FSIP2: variants seen among roughly 807,000 people sequenced by gnomAD.
FSIP2 encodes fibrous sheath-interacting protein 2.
In FSIP2, 367 loss-of-function variants were observed where a neutral mutation model predicts 510.5. That is an observed-to-expected ratio of 0.72 (90% CI 0.66 to 0.78). FSIP2 has a LOEUF of 0.78. FSIP2 is among the 30% of genes least tolerant of loss of function. FSIP2 has a pLI of 0.00. For synonymous variants in FSIP2, 2,601 were observed against 2,732.2 expected (o/e 0.95, Z 1.50); for missense variants, 7,594 against 7,901.7 (o/e 0.96, Z 1.48).
At chr2:185,752,191 C>A (rs1692162362) in intron 7 of FSIP2, among the ~76,000 whole-genome samples, 1 of 150,758 alleles carries the variant, frequency 6.6e-6, no homozygotes, top group African/African-American at 2.4e-5. Context: ...TGGTTAACAT[C>A]AACTGGGTGT....
In FSIP2 at chr2:185,795,352, C is replaced by T. The variant is rs1386810455; in HGVS notation, c.8216C>T (p.Ala2739Val). 8.5e-6 allele frequency: 13 copies of T among 1,534,280 alleles called. No individual in the cohort carries two copies. In the African/African-American group the frequency reaches 1.5e-4, roughly 18 times the overall value. ...KLPTSELKIY[A>V]KDIIINILET... Reference sequence around the variant, plus strand: ...CCCACTTCAGAACTAAAAATATATGCCAAGGATATAATAATTAACATCCTA... The same window carrying T: ...CCCACTTCAGAACTAAAAATATATGTCAAGGATATAATAATTAACATCCTA... Residue 2739 changes from alanine (A) to valine (V), a missense_variant, in exon 16 of 23, where the codon GCC becomes GTC. By Grantham distance (64) the Ala-to-Val change is moderately conservative (BLOSUM62 0). Transcript: ENST00000424728.
Position 185,792,595 on chromosome 2 carries a change from A to G in FSIP2, c.5459A>G (p.Gln1820Arg). Reference sequence around the variant, plus strand: ...CACAATGTTGATGAGCCAACTCCCCAAACATCTGTTCAATTTATGGATAAA... The same window carrying G: ...CACAATGTTGATGAGCCAACTCCCCGAACATCTGTTCAATTTATGGATAAA... The part of the protein sequence containing the change: ...MPHNVDEPTP[Q>R]TSVQFMDKMM... Residue 1820 changes from glutamine to arginine, a missense_variant, in exon 16 of 23, where the codon CAA becomes CGA. Gln to Arg is a conservative substitution (Grantham distance 43). Coordinates refer to ENST00000424728, the MANE Select transcript of FSIP2 (RefSeq NM_173651.4). 2.6e-6 allele frequency: 4 copies of G among 1,534,130 alleles called. No individual in the cohort carries two copies. In the South Asian group the frequency reaches 4.8e-5, roughly 18 times the overall value.
At chr2:185,742,463 G>A (rs1382149217) in intron 2 of FSIP2, among the ~76,000 whole-genome samples, 1 of 152,110 alleles carries the variant, frequency 6.6e-6, no homozygotes, top group Non-Finnish European at 1.5e-5. Flanking sequence ...CACACAAATA[G>A]AAAAACTTCA....
At chr2:185,815,345 GTAA>G in intron 18 of FSIP2, 23 bp from the exon 19 acceptor site, 1 of 988,256 alleles carries the variant, frequency 1.0e-6, no homozygotes, top group South Asian at 1.4e-5. Context: ...TCCATTTAGT[GTAA>G]TAGCTGATTT....
At chr2:185,823,713 C>A (rs1167977510) in intron 19 of FSIP2, among the ~76,000 whole-genome samples, 2 of 151,660 alleles carry the variant, frequency 1.3e-5, no homozygotes, top group Non-Finnish European at 2.9e-5. Flanking sequence ...TAGACTTACC[C>A]TATGATCAAG....
At chr2:185,782,870 C>A in intron 14 of FSIP2, 108 bp downstream of exon 14, 1 of 683,262 alleles carries the variant, frequency 1.5e-6, no homozygotes, top group Non-Finnish European at 2.5e-6. Context: ...TATAGTTCTA[C>A]TTGGATTTAG....
rs959124713 is a variant in FSIP2, at chr2:185,792,074, A to T, written c.4938A>T (p.Val1646=). The change falls in exon 16 of 23, where the codon GTA becomes GTT. Residue 1646 remains valine (V), a synonymous_variant. Coordinates refer to ENST00000424728, the MANE Select transcript of FSIP2 (RefSeq NM_173651.4). ...CTTTATATATGCATGCAAAGAAGGT[A>T]TCAAGTGCTATTTTGAAGGTTATTC... ...LSALYMHAKK[V]SSAILKVIQT... 9.8e-6 allele frequency: 15 copies of T among 1,533,754 alleles called. No homozygotes were observed. Among genetic ancestry groups the T allele is most frequent in the Admixed American group, 2.0e-5 (1 of 50,842 alleles).
Position 185,808,804 on chromosome 2 carries a change from AT to A in FSIP2, c.19500del (p.Pro6501LeufsTer3). The A allele has an allele frequency of 6.2e-7, 1 of 1,612,884 alleles. No homozygotes were observed. Among genetic ancestry groups the A allele is most frequent in the South Asian group, 1.1e-5 (1 of 90,918 alleles). On this transcript the variant is annotated frameshift_variant, in exon 17 of 23. Transcript: ENST00000424728. LOFTEE classifies it high-confidence loss of function. ...GGCCCAAGAACATGCTTTTAATGTGATTCCTGAATTAGAGCAAGAAAAGTTA... is the reference window on the plus strand; with the variant it reads ...GGCCCAAGAACATGCTTTTAATGTGATCCTGAATTAGAGCAAGAAAAGTTA... ...QKAQEHAFNV[I>X]PELEQEKLDQ...
Position 185,809,053 on chromosome 2 carries a change from T to A in FSIP2, c.19747T>A (p.Ser6583Thr). 2 of 1,608,900 alleles carry A rather than the reference T, an allele frequency of 1.2e-6. No homozygotes were observed. Among genetic ancestry groups the A allele is most frequent in the Non-Finnish European group, 1.7e-6 (2 of 1,178,408 alleles). ...SISGRNYSLG[S>T]PDLEKRKTER... ...AAGTGGGAGAAATTACTCCTTAGGA[T>A]CACCTGATTTAGAAAAGAGAAAGAC... The change falls in exon 17 of 23, where the codon TCA becomes ACA. Residue 6583 changes from serine to threonine, a missense_variant. By Grantham distance (58) the Ser-to-Thr change is moderately conservative. Coordinates refer to ENST00000424728, the MANE Select transcript of FSIP2 (RefSeq NM_173651.4).
chr2:185,741,935 T>C (rs1324072202), intron 2 of FSIP2, among the ~76,000 whole-genome samples: 1 of 152,198 alleles, frequency 6.6e-6, no homozygotes, highest in African/African-American at 2.4e-5. Context: ...CAACTGTGGT[T>C]ACGGCCAGAC....
upstream of FSIP2, among the ~76,000 whole-genome samples, chr2:185,737,144 G>C (rs1275996440): frequency 2.0e-5 from 3 of 152,210 alleles, no homozygotes; most frequent in East Asian, 5.8e-4. Flanking sequence ...AGAGCTTCCA[G>C]AAAGAACACA....
At chr2:185,799,243 T>C (rs1693366947) in intron 16 of FSIP2, among the ~76,000 whole-genome samples, 1 of 151,866 alleles carries the variant, frequency 6.6e-6, no homozygotes, top group Admixed American at 6.6e-5. Flanking sequence ...TTTAGTCAAC[T>C]TGATATTGCA....
chr2:185,788,112 C>A (rs1397957958), intron 15 of FSIP2: 3 of 151,830 alleles, frequency 2.0e-5, no homozygotes, highest in Non-Finnish European at 4.4e-5. Context: ...ACAGGCTCAC[C>A]CTTTCAGCAG....
Position 185,800,734 on chromosome 2 carries a change from G to A in FSIP2, c.11428G>A (p.Asp3810Asn). ...ATCTGATTATCGTAAGGGAGGAATG[G>A]ACTGTGAATGCCTTCAAGTAGATTA... ...GKSDYRKGGM[D>N]CECLQVDYMS... The change falls in exon 17 of 23, where the codon GAC becomes AAC. Residue 3810 changes from aspartate to asparagine, a missense_variant. By Grantham distance (23) the Asp-to-Asn change is conservative. Coordinates refer to ENST00000424728, the MANE Select transcript of FSIP2 (RefSeq NM_173651.4). 6 of 1,533,678 alleles carry A rather than the reference G, an allele frequency of 3.9e-6. No individual in the cohort carries two copies. Among genetic ancestry groups the A allele is most frequent in the Non-Finnish European group, 5.2e-6 (6 of 1,145,380 alleles).
chr2:185,744,789 T>A (rs1368495021), intron 4 of FSIP2: 2 of 152,958 alleles, frequency 1.3e-5, no homozygotes, highest in East Asian at 3.9e-4. Flanking sequence ...TTATCTGTAG[T>A]GTTCTACAGT....
At position 185,800,131 on chromosome 2, in the gene FSIP2, G is replaced by C. The variant is rs1410029975; in HGVS notation, c.10825G>C (p.Val3609Leu). The change falls in exon 17 of 23, where the codon GTA becomes CTA. Residue 3609 changes from valine (V) to leucine (L), a missense_variant. Transcript: ENST00000424728. The part of the protein sequence containing the change: ...GFDDLFQDLL[V>L]GVIHVLSKEI... ...TGATGACCTCTTTCAGGATCTCTTAGTAGGAGTGATTCATGTACTGTCCAA... is the reference window on the plus strand; with the variant it reads ...TGATGACCTCTTTCAGGATCTCTTACTAGGAGTGATTCATGTACTGTCCAA... 6.5e-7 allele frequency: 1 copy of C among 1,534,060 alleles called. No homozygotes were observed. The highest frequency in any genetic ancestry group is 1.2e-5 in the South Asian group (1 of 84,016).
rs752143687 is a variant in FSIP2 at position 185,793,082 on chromosome 2, T to C, written c.5946T>C (p.Asp1982=). 2.0e-6 allele frequency: 3 copies of C among 1,534,350 alleles called. No homozygotes were observed. In the South Asian group the frequency reaches 3.6e-5, roughly 18 times the overall value. The change falls in exon 16 of 23, where the codon GAT becomes GAC. Residue 1982 remains aspartate, a synonymous_variant. Transcript: ENST00000424728. The part of the protein sequence containing the change: ...SDEQFSCCSV[D]HTKSGKTNLC... ...AGCAATTTTCCTGTTGCTCAGTAGA[T>C]CATACCAAGTCAGGAAAGACCAACT...
rs1693496427 is a variant in FSIP2, at chr2:185,803,721, A to AAGTCCATTGAACACCAGTGCAGAGC, written c.14420_14444dup (p.Asp4816IlefsTer12). 2.6e-6 allele frequency: 4 copies of AAGTCCATTGAACACCAGTGCAGAGC among 1,532,860 alleles called. No homozygotes were observed. Among genetic ancestry groups the AAGTCCATTGAACACCAGTGCAGAGC allele is most frequent in the Non-Finnish European group, 3.5e-6 (4 of 1,144,742 alleles). 95.0% of individuals were successfully genotyped at this position (1,532,860 alleles called of 1,614,324 possible). On this transcript the variant is annotated frameshift_variant, in exon 17 of 23. Coordinates refer to ENST00000424728, the MANE Select transcript of FSIP2 (RefSeq NM_173651.4). LOFTEE classifies it high-confidence loss of function. ...TAGTTACTCAGCTTACATCTCAGAT[A>AAGTCCATTGAACACCAGTGCAGAGC]AGTCCATTGAACACCAGTGCAGAGC...
In FSIP2 at chr2:185,801,356, A is replaced by C; in HGVS notation, c.12050A>C (p.Glu4017Ala). 6.5e-7 allele frequency: 1 copy of C among 1,534,108 alleles called. No individual in the cohort carries two copies. Among genetic ancestry groups the C allele is most frequent in the Non-Finnish European group, 8.7e-7 (1 of 1,145,574 alleles). ...NTLFVNNVVN[E>A]FNNAQVTVLR... is the part of the protein sequence containing the mutation. ...TTATTTGTCAACAATGTAGTGAATG[A>C]ATTTAATAATGCTCAAGTCACTGTT... The change falls in exon 17 of 23, where the codon GAA (glutamate) becomes GCA (alanine). Residue 4017 changes from glutamate (E) to alanine (A), a missense_variant. Glu to Ala is a moderately radical substitution (Grantham distance 107). Transcript: ENST00000424728.
Sources: gnomAD v4.1 joint callset for allele counts (sites outside exome capture counted in the v4.1 genomes callset) on GRCh38, gnomAD v4.1.1 for gene constraint, MANE v1.5 for transcripts, NCBI Gene and HGNC (gene_info 2026-07-23, HGNC 2026-07-21) for gene names.